AMHR2: variants seen among roughly 807,000 people sequenced by gnomAD.
The protein encoded by AMHR2 is anti-Mullerian hormone receptor type 2, also known as anti-Muellerian hormone type-2 receptor.
In AMHR2, 36 loss-of-function variants were observed where a neutral mutation model predicts 61.4. The observed-to-expected ratio is 0.59, with a 90% confidence interval of 0.45 to 0.77. The LOEUF (loss-of-function observed/expected upper bound fraction) is 0.77. Among genes scored for constraint, AMHR2 ranks in the 30% least tolerant of loss-of-function variants. The pLI is 0.00. For missense variants in AMHR2, 638 were observed against 714.6 expected (o/e 0.89, Z 1.22); for synonymous variants, 258 against 279.4 (o/e 0.92, Z 0.76).
chr12:53,430,213 G>A lies in AMHR2; in HGVS notation c.1356G>A (p.Glu452=). 1 of 1,612,956 alleles carries A rather than the reference G, an allele frequency of 6.2e-7. No homozygotes were observed. The highest frequency in any genetic ancestry group is 2.2e-5 in the East Asian group (1 of 44,882). The change falls in exon 10 of 11, where the codon GAG becomes GAA. Residue 452 remains glutamate, a synonymous_variant. Coordinates refer to ENST00000257863, the MANE Select transcript of AMHR2 (RefSeq NM_020547.3). ...AELGNTPTSD[E]LWALAVQERR... is the part of the protein sequence containing the mutation. Reference sequence around the variant, plus strand: ...TGGGCAATACCCCTACCTCTGATGAGCTATGGGCCTTGGCAGTGCAGGAGA... The same window carrying A: ...TGGGCAATACCCCTACCTCTGATGAACTATGGGCCTTGGCAGTGCAGGAGA...
chr12:53,424,370 T>C lies in AMHR2; in HGVS notation c.132T>C (p.Asp44=). The C allele has an allele frequency of 6.2e-7, 1 of 1,613,590 alleles. No individual in the cohort carries two copies. Among genetic ancestry groups the C allele is most frequent in the South Asian group, 1.1e-5 (1 of 91,056 alleles). ...GSTKTLGELL[D]TGTELPRAIR... Reference sequence around the variant, plus strand: ...CAAAGACACTGGGAGAGCTGCTAGATACAGGCACAGAGCTCCCCAGAGCTA... The same window carrying C: ...CAAAGACACTGGGAGAGCTGCTAGACACAGGCACAGAGCTCCCCAGAGCTA... The change falls in exon 2 of 11, where the codon GAT becomes GAC. Residue 44 remains aspartate, a synonymous_variant. Transcript: ENST00000257863.
rs1252732146 is a variant in AMHR2 at position 53,425,863 on chromosome 12, G to T, written c.796G>T (p.Gly266Trp). The T allele has an allele frequency of 6.2e-7, 1 of 1,614,140 alleles. No individual in the cohort carries two copies. The highest frequency in any genetic ancestry group is 1.1e-5 in the South Asian group (1 of 91,086). The change falls in exon 6 of 11, where the codon GGG (glycine) becomes TGG (tryptophan). Residue 266 changes from glycine (G) to tryptophan (W), a missense_variant. Gly to Trp is a radical substitution (Grantham distance 184, BLOSUM62 -2). Coordinates refer to ENST00000257863, the MANE Select transcript of AMHR2 (RefSeq NM_020547.3). ...TGTCCGATTTATCACTGCCAGCCGG[G>T]GGGGTCCTGGCCGCCTGCTCTCTGG... ...HIVRFITASR[G>W]GPGRLLSGPL...
intron 6 of AMHR2, among the ~76,000 whole-genome samples, chr12:53,426,451 C>A (rs1939598750): frequency 6.6e-6 from 1 of 152,022 alleles, no homozygotes; most frequent in African/African-American, 2.4e-5. Context: ...CCGTGAAACC[C>A]CACCTCTACA....
intron 8 of AMHR2, 41 bp downstream of exon 8, chr12:53,429,666 G>C (rs1325371387): frequency 6.2e-7 from 1 of 1,610,068 alleles, no homozygotes; most frequent in East Asian, 2.2e-5. Context: ...GGATGATGTT[G>C]GTGCTGCTGA....
intron 8 of AMHR2, 90 bp from the exon 9 acceptor site, chr12:53,429,741 G>A: frequency 1.9e-6 from 3 of 1,603,922 alleles, no homozygotes; most frequent in Non-Finnish European, 8.5e-7. Flanking sequence ...ACATTGCTGA[G>A]TCTGTAGTTG....
At chr12:53,429,347 G>A (rs868190307) in intron 7 of AMHR2, 106 bp from the exon 8 acceptor site, 169 of 1,259,500 alleles carry the variant, frequency 1.3e-4, no homozygotes, top group South Asian at 4.0e-4. Context: ...AGCCGAGATC[G>A]CGACACTGCA....
rs769550210 is a variant in AMHR2, at chr12:53,425,866, G to C, written c.799G>C (p.Gly267Arg). Reference sequence around the variant, plus strand: ...CCGATTTATCACTGCCAGCCGGGGGGGTCCTGGCCGCCTGCTCTCTGGGCC... The same window carrying C: ...CCGATTTATCACTGCCAGCCGGGGGCGTCCTGGCCGCCTGCTCTCTGGGCC... ...IVRFITASRG[G>R]PGRLLSGPLL... Residue 267 changes from glycine (G) to arginine (R), a missense_variant, in exon 6 of 11, where the codon GGT becomes CGT. Gly to Arg is a moderately radical substitution (Grantham distance 125, BLOSUM62 -2). Coordinates refer to ENST00000257863, the MANE Select transcript of AMHR2 (RefSeq NM_020547.3). 5 of 1,614,078 alleles carry C rather than the reference G, an allele frequency of 3.1e-6. No homozygotes were observed. The highest frequency in any genetic ancestry group is 1.6e-4 in the Middle Eastern group (1 of 6,062).
At chr12:53,424,929 TG>T in intron 3 of AMHR2, 29 bp downstream of exon 3, 1 of 1,600,984 alleles carries the variant, frequency 6.2e-7, no homozygotes, top group Admixed American at 1.7e-5. Context: ...TGAAGCCTGA[TG>T]GGGGCTGGGG....
Position 53,428,971 on chromosome 12 carries a change from C to G in AMHR2, c.928C>G (p.Gln310Glu). 2 of 1,551,532 alleles carry G rather than the reference C, an allele frequency of 1.3e-6. No homozygotes were observed. Among genetic ancestry groups the G allele is most frequent in the Non-Finnish European group, 1.7e-6 (2 of 1,147,020 alleles). ...CCTGCGGATGGCACTGTCCCTGGCCCAGGGCCTGGCATTTCTCCATGAGGA... is the reference window on the plus strand; with the variant it reads ...CCTGCGGATGGCACTGTCCCTGGCCGAGGGCCTGGCATTTCTCCATGAGGA... ...SSLRMALSLA[Q>E]GLAFLHEERW... is the part of the protein sequence containing the mutation. The change falls in exon 7 of 11, where the codon CAG becomes GAG. Residue 310 changes from glutamine (Q) to glutamate (E), a missense_variant. By Grantham distance (29) the Gln-to-Glu change is conservative. Coordinates refer to ENST00000257863, the MANE Select transcript of AMHR2 (RefSeq NM_020547.3).
Position 53,424,290 on chromosome 12 carries a change from C to A in AMHR2, c.52C>A (p.Pro18Thr), listed in dbSNP as rs1173418253. ...CCTTTCCCCACCCTGGGCCTCAGCA[C>A]CCCCAAACAGGCGAACCTGTGTGTT... Reference protein sequence around the residue: ...WALLPTAVEAPPNRRTCVFFE... With the variant: ...WALLPTAVEATPNRRTCVFFE... Residue 18 changes from proline to threonine, a missense_variant and splice_region_variant, in exon 2 of 11, where the codon CCC (proline) becomes ACC (threonine). Transcript: ENST00000257863. 1 of 1,612,418 alleles carries A rather than the reference C, an allele frequency of 6.2e-7. No individual in the cohort carries two copies. The highest frequency in any genetic ancestry group is 2.2e-5 in the East Asian group (1 of 44,882).
intron 10 of AMHR2, chr12:53,430,590 C>T (rs1217960008): frequency 6.2e-6 from 3 of 486,230 alleles, no homozygotes; most frequent in South Asian, 2.0e-5. Flanking sequence ...TCCAGGAAGC[C>T]CTCCTTGGCT....
rs764851153 is a variant in AMHR2 at position 53,424,815 on chromosome 12, TGAC to T, written c.340_342del (p.Asp114del). 1.2e-5 allele frequency: 20 copies of T among 1,613,946 alleles called. No homozygotes were observed. Among genetic ancestry groups the T allele is most frequent in the Non-Finnish European group, 1.5e-5 (18 of 1,179,998 alleles). ...CTCTCTTCACCTGCTCCTGTGGCACTGACTTCTGCAATGCCAATTACAGCCATC... is the reference window on the plus strand; with the variant it reads ...CTCTCTTCACCTGCTCCTGTGGCACTTTCTGCAATGCCAATTACAGCCATC... On this transcript the variant is annotated inframe_deletion, in exon 3 of 11. Transcript: ENST00000257863.
intron 1 of AMHR2, 110 bp downstream of exon 1, chr12:53,424,093 A>T (rs1939304229): frequency 7.1e-7 from 1 of 1,403,376 alleles, no homozygotes; most frequent in Non-Finnish European, 1.0e-6. Flanking sequence ...CTGGGTGAGT[A>T]AGGGTGAAGG....
intron 10 of AMHR2, 128 bp from the exon 11 acceptor site, chr12:53,431,049 G>A: frequency 8.4e-7 from 1 of 1,195,522 alleles, no homozygotes; most frequent in South Asian, 1.2e-5. Context: ...GGGAGAGGAG[G>A]GAGGCTCCAG....
chr12:53,425,286 C>T (rs1247220822), intron 4 of AMHR2, 44 bp downstream of exon 4: 5 of 1,610,576 alleles, frequency 3.1e-6, no homozygotes, highest in African/African-American at 2.7e-5. Context: ...CAAGACATTG[C>T]CCCAAAAGCT....
At chr12:53,424,674 C>A (rs569533177) in intron 2 of AMHR2, 35 bp from the exon 3 acceptor site, 54 of 1,604,326 alleles carry the variant, frequency 3.4e-5, no homozygotes, top group Admixed American at 5.1e-5. Flanking sequence ...CTTGCCCCCC[C>A]TTTCTCTCCT....
Position 53,429,864 on chromosome 12 carries a change from T to C in AMHR2, c.1174T>C (p.Leu392=). The C allele has an allele frequency of 1.2e-6, 2 of 1,614,222 alleles. No individual in the cohort carries two copies. Among genetic ancestry groups the C allele is most frequent in the East Asian group, 2.2e-5 (1 of 44,880 alleles). ...CCAGAGGTACATGGCACCAGAGCTC[T>C]TGGACAAGACTCTGGACCTACAGGA... ...GTQRYMAPEL[L]DKTLDLQDWG... is the part of the protein sequence containing the mutation. The change falls in exon 9 of 11, where the codon TTG becomes CTG. Residue 392 remains leucine, a synonymous_variant. Transcript: ENST00000257863.
intron 6 of AMHR2, among the ~76,000 whole-genome samples, chr12:53,427,715 T>G (rs1332387009): frequency 2.0e-5 from 3 of 152,158 alleles, no homozygotes; most frequent in Non-Finnish European, 4.4e-5. Context: ...GCTACACGCT[T>G]TAAACACATT....
intron 10 of AMHR2, 40 bp downstream of exon 10, chr12:53,430,322 G>C: frequency 1.9e-6 from 3 of 1,614,018 alleles, no homozygotes; most frequent in Non-Finnish European, 2.5e-6. Flanking sequence ...CCTGGAGAGT[G>C]GGGGCTGGGC....
Sources: gnomAD v4.1 joint callset for allele counts (sites outside exome capture counted in the v4.1 genomes callset) on GRCh38, gnomAD v4.1.1 for gene constraint, MANE v1.5 for transcripts, NCBI Gene and HGNC (gene_info 2026-07-23, HGNC 2026-07-21) for gene names.